Variants in SAMHD1 observed in about 807,000 individuals in gnomAD.
The protein encoded by SAMHD1 is SAM and HD domain containing deoxynucleoside triphosphate triphosphohydrolase 1.
SAMHD1 carries 54 observed loss-of-function variants against 79.6 expected under a neutral mutation model. The observed-to-expected ratio is 0.68, with a 90% confidence interval of 0.55 to 0.85. SAMHD1 has a LOEUF of 0.85. Ranked by LOEUF, SAMHD1 falls within the 40% of genes least tolerant of loss-of-function variation. The probability of loss-of-function intolerance (pLI) is 0.00; values close to 1 mark genes in which losing one functional copy is unlikely to be tolerated. For missense variants in SAMHD1, 663 were observed against 782.7 expected, an observed-to-expected ratio of 0.85 and a Z score of 1.82; for synonymous variants, 260 against 264.1, an observed-to-expected ratio of 0.98 and a Z score of 0.15.
chr20:36,899,821 C>T (rs1324462926), intron 13 of SAMHD1, among the ~76,000 whole-genome samples: 6 of 152,044 alleles, frequency 3.9e-5, no homozygotes, highest in East Asian at 3.9e-4. Context: ...ATGTAAGAGG[C>T]GCAATGGCTC....
chr20:36,913,497 G>A (rs1418287807), intron 9 of SAMHD1, among the ~76,000 whole-genome samples: 1 of 151,062 alleles, frequency 6.6e-6, no homozygotes, highest in Non-Finnish European at 1.5e-5. Context: ...CAGCTACTAG[G>A]GAGGCTGAGG....
chr20:36,893,001 G>T lies in SAMHD1; in HGVS notation c.1812C>A (p.Val604=), dbSNP rs139841806. ...QKKEWNDSTS[V]QNPTRLREAS... ...CTTCTCGGAGGCGAGTTGGATTTTGGACTGAAGTACTGTCGTTCCATTCCT... is the reference window on the plus strand; with the variant it reads ...CTTCTCGGAGGCGAGTTGGATTTTGTACTGAAGTACTGTCGTTCCATTCCT... Residue 604 remains valine, a synonymous_variant, in exon 16 of 16, where the codon GTC becomes GTA. Transcript: ENST00000646673. The T allele has an allele frequency of 7.4e-6, 12 of 1,613,930 alleles. No individual in the cohort carries two copies. The African/African-American group carries it at 1.6e-4, about 22-fold the overall frequency.
chr20:36,927,300 A>ACAAAAACT, intron 5 of SAMHD1, 48 bp from the exon 6 acceptor site: 1 of 1,444,776 alleles, frequency 6.9e-7, no homozygotes. Flanking sequence ...CTGTAAACCA[A>ACAAAAACT]CAAAAACTTT....
At chr20:36,904,117 A>G (rs2063391910) in intron 13 of SAMHD1, 40 bp downstream of exon 13, 5 of 1,336,056 alleles carry the variant, frequency 3.7e-6, no homozygotes, top group Non-Finnish European at 5.4e-6. Context: ...TTTATCTTTA[A>G]AACGTATTCA....
At chr20:36,941,672 T>G (rs1264205049) in intron 2 of SAMHD1, among the ~76,000 whole-genome samples, 2 of 152,098 alleles carry the variant, frequency 1.3e-5, no homozygotes, top group Non-Finnish European at 2.9e-5. Context: ...GCCCAGCATA[T>G]CATCCTCCCT....
intron 4 of SAMHD1, chr20:36,931,198 G>A (rs1010829463): frequency 5.3e-6 from 2 of 379,146 alleles, no homozygotes; most frequent in South Asian, 4.6e-5. Context: ...GAAGTTGGAA[G>A]CCTGTGCACT....
chr20:36,897,614 A>G (rs1433691114), intron 15 of SAMHD1: 1 of 620,088 alleles, frequency 1.6e-6, no homozygotes, highest in Non-Finnish European at 2.8e-6. Context: ...AATGCTAAAC[A>G]GTATCCATTC....
rs554408131 is a variant in SAMHD1, at chr20:36,930,952, A to G, written c.510-77T>C. 175 of 920,660 alleles carry G rather than the reference A, an allele frequency of 1.9e-4. 1 individual carries two copies. The South Asian group carries it at 2.3e-3, about 12-fold the overall frequency. 57.0% of individuals were successfully genotyped at this position (920,660 alleles called of 1,614,324 possible). A position where few individuals can be genotyped will look rare whatever the true frequency, so the allele number is the denominator to read the frequency against. ...AGTTCTGGTCCTCAAGAACTTCAGT[A>G]TGTTTCCTTAAACATTCTAACATAC... On this transcript the variant is annotated intron_variant, in intron 4 of 15. Coordinates refer to ENST00000646673, the MANE Select transcript of SAMHD1 (RefSeq NM_015474.4).
At chr20:36,902,426 T>C (rs891182794) in intron 13 of SAMHD1, among the ~76,000 whole-genome samples, 2 of 152,122 alleles carry the variant, frequency 1.3e-5, no homozygotes, top group Non-Finnish European at 2.9e-5. Flanking sequence ...CAGGTGATCG[T>C]CCGCCTCGGC....
chr20:36,935,001 C>T (rs1462907518), intron 4 of SAMHD1, 28 bp downstream of exon 4: 1 of 1,611,122 alleles, frequency 6.2e-7, no homozygotes, highest in Non-Finnish European at 8.5e-7. Flanking sequence ...TTAAAAACTG[C>T]AAGTTCCCCA....
chr20:36,914,361 T>G (rs992115107), intron 9 of SAMHD1, among the ~76,000 whole-genome samples: 1 of 152,030 alleles, frequency 6.6e-6, no homozygotes, highest in Non-Finnish European at 1.5e-5. Flanking sequence ...TTCTTTCTTT[T>G]TTTTTTTGAG....
At chr20:36,899,424 C>A (rs971329982) in intron 13 of SAMHD1, among the ~76,000 whole-genome samples, 1 of 151,920 alleles carries the variant, frequency 6.6e-6, no homozygotes, top group Non-Finnish European at 1.5e-5. Context: ...CAAGACTCTG[C>A]CTCCAAAAAT....
At chr20:36,898,914 A>T (rs1269057532) in intron 13 of SAMHD1, among the ~76,000 whole-genome samples, 1 of 149,124 alleles carries the variant, frequency 6.7e-6, no homozygotes, top group Non-Finnish European at 1.5e-5. Flanking sequence ...CTGACTCAAA[A>T]AAAAAAAAAA....
At chr20:36,905,293 G>T (rs1380650412) in intron 12 of SAMHD1, 71 bp downstream of exon 12, 1 of 1,490,614 alleles carries the variant, frequency 6.7e-7, no homozygotes, top group Non-Finnish European at 9.4e-7. Flanking sequence ...ATAGTATCAC[G>T]ATAGGTTAGT....
chr20:36,946,236 C>A (rs1409889287), intron 2 of SAMHD1, among the ~76,000 whole-genome samples: 7 of 151,986 alleles, frequency 4.6e-5, no homozygotes, highest in Admixed American at 3.9e-4. Flanking sequence ...CATGGTGAAA[C>A]CCTGTGTCTA....
intron 15 of SAMHD1, chr20:36,897,453 AG>A (rs1397433777): frequency 3.1e-6 from 1 of 320,584 alleles, no homozygotes; most frequent in Non-Finnish European, 6.0e-6. Flanking sequence ...AGAAACATGA[AG>A]TCTATTATCA....
chr20:36,893,680 C>A lies in SAMHD1; in HGVS notation c.1747-614G>T, dbSNP rs1435938476. The A allele has an allele frequency of 2.3e-5, 9 of 388,412 alleles. No homozygotes were observed. The East Asian group carries it at 3.3e-4, about 14-fold the overall frequency. The allele number at this position is 388,412 out of a possible 1,614,324, so 24.1% of individuals were successfully genotyped here. ...ATACTTGACTCTATGCTAAACTGTT[C>A]TGAACTTGTGGGTAGATCTTCTTTG... On this transcript the variant is annotated intron_variant, in intron 15 of 15. Coordinates refer to ENST00000646673, the MANE Select transcript of SAMHD1 (RefSeq NM_015474.4).
chr20:36,928,502 T>C (rs1342205285), intron 5 of SAMHD1, among the ~76,000 whole-genome samples: 1 of 151,670 alleles, frequency 6.6e-6, no homozygotes, highest in Admixed American at 6.6e-5. Flanking sequence ...CTGGCTAAGA[T>C]GGTGAAACCC....
chr20:36,919,449 T>G lies in SAMHD1; in HGVS notation c.767A>C (p.Gln256Pro), dbSNP rs2063493251. 6.2e-7 allele frequency: 1 copy of G among 1,613,350 alleles called. No individual in the cohort carries two copies. The highest frequency in any genetic ancestry group is 8.5e-7 in the Non-Finnish European group (1 of 1,179,488). ...ATCTTCTTCAGGGATGAGACCATAT[T>G]GTTCCATGACAGGCTTAATTCCATT... is the stretch of plus-strand genomic sequence containing the variant. ...NSNGIKPVME[Q>P]YGLIPEEDIC... Residue 256 changes from glutamine (Q) to proline (P), a missense_variant, in exon 7 of 16, where the codon CAA becomes CCA. By Grantham distance (76) the Gln-to-Pro change is moderately conservative. Coordinates refer to ENST00000646673, the MANE Select transcript of SAMHD1 (RefSeq NM_015474.4).
Sources: gnomAD v4.1 joint callset for allele counts (sites outside exome capture counted in the v4.1 genomes callset) on GRCh38, gnomAD v4.1.1 for gene constraint, MANE v1.5 for transcripts, NCBI Gene and HGNC (gene_info 2026-07-23, HGNC 2026-07-21) for gene names.